Variants in PRKG1 observed in about 807,000 individuals in gnomAD.
The protein encoded by PRKG1 is protein kinase cGMP-dependent 1, also known as cGMP-dependent protein kinase 1.
A neutral mutation model predicts 88.1 loss-of-function variants in PRKG1; 35 were observed. That is an observed-to-expected ratio of 0.40 (90% CI 0.30 to 0.53). The LOEUF is 0.53. Among genes scored for constraint, PRKG1 ranks in the 20% least tolerant of loss-of-function variants. PRKG1 has a pLI of 0.59. For synonymous variants in PRKG1, 303 were observed against 292.5 expected (o/e 1.04, Z -0.37); for missense variants, 540 against 839.8 (o/e 0.64, Z 4.41).
At chr10:52,093,779 G>C (rs901973160) in intron 7 of PRKG1, among the ~76,000 whole-genome samples, 3 of 152,106 alleles carry the variant, frequency 2.0e-5, no homozygotes, top group African/African-American at 7.2e-5. Flanking sequence ...GGCATCCTAA[G>C]AAACCCAACT....
chr10:52,269,601 A>G (rs1187682299), intron 10 of PRKG1, among the ~76,000 whole-genome samples: 3 of 152,104 alleles, frequency 2.0e-5, no homozygotes, highest in Non-Finnish European at 4.4e-5. Context: ...ATGAAGCAGT[A>G]AATAATTAAC....
At position 52,223,335 on chromosome 10, in the gene PRKG1, A is replaced by T. The variant is rs181353171; in HGVS notation, c.1077-28235A>T. On this transcript the variant is annotated intron_variant, in intron 9 of 17. Coordinates refer to ENST00000373980, the MANE Select transcript of PRKG1 (RefSeq NM_006258.4). ...AGTTTTGATTATCACGTCTTACTTGAACTATCTGTAATTATTGACACAGTT... is the reference window on the plus strand; with the variant it reads ...AGTTTTGATTATCACGTCTTACTTGTACTATCTGTAATTATTGACACAGTT... 3.8e-3 allele frequency among the ~76,000 whole-genome samples: 523 copies of T among 136,826 alleles called. 2 individuals are homozygous for T. The highest frequency in any genetic ancestry group is 0.011 in the African/African-American group (456 of 40,608). 89.8% of individuals were successfully genotyped at this position (136,826 alleles called of 152,430 possible).
intron 6 of PRKG1, among the ~76,000 whole-genome samples, chr10:52,061,375 C>A (rs1462433909): frequency 6.6e-6 from 1 of 152,064 alleles, no homozygotes; most frequent in Admixed American, 6.5e-5. Flanking sequence ...AAGTGTTTGG[C>A]ATTGTCTCAA....
At chr10:52,071,195 G>A (rs962925078) in intron 7 of PRKG1, among the ~76,000 whole-genome samples, 3 of 151,608 alleles carry the variant, frequency 2.0e-5, no homozygotes, top group Admixed American at 1.3e-4. Flanking sequence ...TTGTTACATG[G>A]GTGTACTGTG....
At chr10:50,998,755 A>C (rs1003730832) in intron 1 of PRKG1, among the ~76,000 whole-genome samples, 4 of 103,832 alleles carry the variant, frequency 3.9e-5, no homozygotes, top group African/African-American at 1.1e-4. Context: ...CCATCTCAAA[A>C]AACAAAATAA....
chr10:51,000,111 C>T (rs773797706), intron 1 of PRKG1, among the ~76,000 whole-genome samples: 2 of 152,228 alleles, frequency 1.3e-5, no homozygotes, highest in Non-Finnish European at 2.9e-5. Context: ...GTGCTTTACT[C>T]TGGCAGGTTT....
intron 7 of PRKG1, among the ~76,000 whole-genome samples, chr10:52,130,728 A>G (rs1837229967): frequency 6.6e-6 from 1 of 152,244 alleles, no homozygotes; most frequent in South Asian, 2.1e-4. Flanking sequence ...TGAGCACTAC[A>G]GAAGTTTCCT....
chr10:52,147,429 A>G (rs1170852665), intron 8 of PRKG1, among the ~76,000 whole-genome samples: 1 of 152,158 alleles, frequency 6.6e-6, no homozygotes, highest in Non-Finnish European at 1.5e-5. Context: ...GCCCCATGGG[A>G]CCAGAAAACA....
chr10:51,512,308 A>G (rs1385991861), intron 3 of PRKG1, among the ~76,000 whole-genome samples: 1 of 147,028 alleles, frequency 6.8e-6, no homozygotes, highest in Non-Finnish European at 1.5e-5. Flanking sequence ...CTCGTCATTT[A>G]GCATTAGATA....
At chr10:51,497,630 T>G (rs1301986511) in intron 3 of PRKG1, among the ~76,000 whole-genome samples, 3 of 152,216 alleles carry the variant, frequency 2.0e-5, no homozygotes, top group Admixed American at 6.5e-5. Context: ...GTGTTGATAT[T>G]TCTGACAAAG....
At chr10:51,012,842 G>C (rs970194140) in intron 1 of PRKG1, among the ~76,000 whole-genome samples, 9 of 152,260 alleles carry the variant, frequency 5.9e-5, no homozygotes, top group Admixed American at 5.9e-4. Flanking sequence ...TATTTAAATG[G>C]TATGGTTGGA....
chr10:52,028,090 G>C (rs1019689213), intron 5 of PRKG1, among the ~76,000 whole-genome samples: 2 of 151,870 alleles, frequency 1.3e-5, no homozygotes, highest in Admixed American at 6.6e-5. Context: ...CGCCCAGCCC[G>C]TCTATATTTT....
At chr10:52,171,786 A>ATTTTTTTTTTTTTTTTTTTTTT (rs545195374) in intron 9 of PRKG1, among the ~76,000 whole-genome samples, 2 of 93,860 alleles carry the variant, frequency 2.1e-5, no homozygotes, top group African/African-American at 8.5e-5. Flanking sequence ...TTTTATCAAA[A>ATTTTTTTTTTTTTTTTTTTTTT]TTTTTTTTTT....
chr10:51,153,230 G>A lies in PRKG1; in HGVS notation c.378G>A (p.Gln126=), dbSNP rs749508576. ...NDFMKNLELS[Q]IQEIVDCMYP... ...TTATGAAGAACTTGGAGCTGTCGCA[G>A]ATCCAGGAGATTGTGGATTGTATGT... Residue 126 remains glutamine, a synonymous_variant, in exon 2 of 18, where the codon CAG becomes CAA. Coordinates refer to ENST00000373980, the MANE Select transcript of PRKG1 (RefSeq NM_006258.4). The A allele has an allele frequency of 1.2e-6, 2 of 1,612,576 alleles. No homozygotes were observed. The highest frequency in any genetic ancestry group is 1.7e-6 in the Non-Finnish European group (2 of 1,178,990).
At chr10:52,158,969 A>T (rs958418435) in intron 8 of PRKG1, among the ~76,000 whole-genome samples, 14 of 151,538 alleles carry the variant, frequency 9.2e-5, no homozygotes, top group Non-Finnish European at 1.8e-4. Context: ...GTTTTTCAAA[A>T]TAAAAGTAAA....
intron 5 of PRKG1, among the ~76,000 whole-genome samples, chr10:51,979,061 G>T (rs1388585123): frequency 6.6e-6 from 1 of 152,062 alleles, no homozygotes; most frequent in Non-Finnish European, 1.5e-5. Flanking sequence ...AATGTTTTTA[G>T]CTTTTTCCCA....
intron 2 of PRKG1, among the ~76,000 whole-genome samples, chr10:51,297,932 G>A (rs1840764396): frequency 6.6e-6 from 1 of 152,052 alleles, no homozygotes; most frequent in Non-Finnish European, 1.5e-5. Flanking sequence ...GAGGGATAGA[G>A]TAGGTGTCCT....
chr10:51,050,614 T>G (rs1454204676), intron 1 of PRKG1, among the ~76,000 whole-genome samples: 2 of 152,328 alleles, frequency 1.3e-5, no homozygotes, highest in African/African-American at 4.8e-5. Flanking sequence ...AATGCTGCAA[T>G]AAACATGAAC....
intron 3 of PRKG1, among the ~76,000 whole-genome samples, chr10:51,571,692 G>C (rs532433958): frequency 3.3e-5 from 5 of 151,926 alleles, no homozygotes; most frequent in Admixed American, 1.3e-4. Context: ...TTGACACTTA[G>C]GGAATATGAA....
Sources: gnomAD v4.1 joint callset for allele counts (sites outside exome capture counted in the v4.1 genomes callset) on GRCh38, gnomAD v4.1.1 for gene constraint, MANE v1.5 for transcripts, NCBI Gene and HGNC (gene_info 2026-07-23, HGNC 2026-07-21) for gene names.